Variants in NTN4 observed in about 807,000 individuals in gnomAD.
The protein encoded by NTN4 is netrin 4, also known as netrin-4.
In NTN4, 32 loss-of-function variants were observed where a neutral mutation model predicts 73.6. The observed-to-expected ratio is 0.44, with a 90% CI of 0.33 to 0.58. The LOEUF is 0.58. Among genes scored for constraint, NTN4 ranks in the 20% least tolerant of loss-of-function variants. The pLI is 0.04. For synonymous variants in NTN4, 258 were observed against 287.5 expected (o/e 0.90, Z 1.04); for missense variants, 654 against 798.3 (o/e 0.82, Z 2.18).
chr12:95,788,121 G>A (rs890218222), intron 1 of NTN4, among the ~76,000 whole-genome samples: 5 of 152,156 alleles, frequency 3.3e-5, no homozygotes, highest in African/African-American at 1.2e-4. Flanking sequence ...GAGTTCAGAT[G>A]TGCACTATCA....
chr12:95,682,075 T>TTTTTTTTTTTTTG (rs2078321140), intron 7 of NTN4, among the ~76,000 whole-genome samples: 1 of 141,194 alleles, frequency 7.1e-6, no homozygotes, highest in African/African-American at 2.7e-5. Flanking sequence ...TTTTTTTTTT[T>TTTTTTTTTTTTTG]TTTTTGAGAC....
chr12:95,787,587 T>C, intron 1 of NTN4, 119 bp from the exon 2 acceptor site: 1 of 884,860 alleles, frequency 1.1e-6, no homozygotes, highest in Non-Finnish European at 1.7e-6. Context: ...TTTCGATAAA[T>C]GGCAAATTCT....
Position 95,790,379 on chromosome 12 carries a change from A to G in NTN4, c.-70T>C. 1 of 1,313,562 alleles carries G rather than the reference A, an allele frequency of 7.6e-7. No individual in the cohort carries two copies. Among genetic ancestry groups the G allele is most frequent in the South Asian group, 1.5e-5 (1 of 68,770 alleles). The allele number at this position is 1,313,562 out of a possible 1,614,324, so 81.4% of individuals were successfully genotyped here. A position where few individuals can be genotyped will look rare whatever the true frequency, so the allele number is the denominator to read the frequency against. On this transcript the variant is annotated 5_prime_UTR_variant, in exon 1 of 10. Coordinates refer to ENST00000343702, the MANE Select transcript of NTN4 (RefSeq NM_021229.4). This position sits in a 1 kb window ranked among gnomAD's most constrained non-coding sequence, Gnocchi z 6.5. ...GGAGCCGAGACCTCTGGGCTGCGGG[A>G]TGAAGCGCCGCCGTCCTCGGGAGGG...
intron 2 of NTN4, among the ~76,000 whole-genome samples, chr12:95,750,308 ACT>A (rs939957222): frequency 1.5e-3 from 223 of 149,692 alleles, no homozygotes; most frequent in African/African-American, 4.6e-3. Context: ...CTGTTTCTCT[ACT>A]CTCTCTTTTC....
intron 3 of NTN4, among the ~76,000 whole-genome samples, chr12:95,722,067 CTTTTT>C (rs200453216): frequency 8.0e-6 from 1 of 124,456 alleles, no homozygotes; most frequent in Non-Finnish European, 1.7e-5. Flanking sequence ...TTCAGTAGAT[CTTTTT>C]TTTTTTTTTT....
chr12:95,722,665 A>C (rs1282973239), intron 3 of NTN4, among the ~76,000 whole-genome samples: 2 of 151,892 alleles, frequency 1.3e-5, no homozygotes, highest in Non-Finnish European at 2.9e-5. Context: ...CAAGTGAAAG[A>C]AGGTTTTAAA....
At chr12:95,750,313 C>T (rs1296099930) in intron 2 of NTN4, among the ~76,000 whole-genome samples, 1 of 152,080 alleles carries the variant, frequency 6.6e-6, no homozygotes, top group Non-Finnish European at 1.5e-5. Context: ...TCTCTACTCT[C>T]TCTTTTCTCT....
rs779791050 is a variant in NTN4, at chr12:95,738,102, G to C, written c.628C>G (p.Pro210Ala). ...TGCTCCTGAACTTTGGCACTGTAAG[G>C]GTTCTCTGTATCGTATGGTGGTGAC... ...ALSPPYDTEN[P>A]YSAKVQEQLK... Residue 210 changes from proline to alanine, a missense_variant, in exon 3 of 10, where the codon CCT becomes GCT. Transcript: ENST00000343702. 1.2e-5 allele frequency: 20 copies of C among 1,613,950 alleles called. No individual in the cohort carries two copies. The highest frequency in any genetic ancestry group is 4.5e-5 in the East Asian group (2 of 44,902).
At chr12:95,689,321 T>C (rs1458449509) in intron 5 of NTN4, among the ~76,000 whole-genome samples, 5 of 152,366 alleles carry the variant, frequency 3.3e-5, no homozygotes, top group African/African-American at 7.2e-5. Context: ...AGGTCCTTCA[T>C]AGCAGAGGCC....
Position 95,735,936 on chromosome 12 carries a change from TA to T in NTN4, c.864+1929del, listed in dbSNP as rs1222785919. The stretch of plus-strand genomic sequence containing the variant: ...TTATTTATTTATTTATTTATTTATT[TA>T]TTTATTTATTTATTTTTTTGAGACA... On this transcript the variant is annotated intron_variant, in intron 3 of 9. Coordinates refer to ENST00000343702, the MANE Select transcript of NTN4 (RefSeq NM_021229.4). Among the ~76,000 whole-genome samples the T allele has an allele frequency of 1.1e-3, 170 of 149,068 alleles. 1 individual carries two copies. The highest frequency in any genetic ancestry group is 3.9e-3 in the African/African-American group (159 of 40,508).
At chr12:95,688,892 G>T (rs2078382318) in intron 5 of NTN4, among the ~76,000 whole-genome samples, 1 of 150,786 alleles carries the variant, frequency 6.6e-6, no homozygotes, top group Non-Finnish European at 1.5e-5. Context: ...CATCAATCAG[G>T]AGGTCATTGG....
chr12:95,731,433 G>C (rs1464845946), intron 3 of NTN4, among the ~76,000 whole-genome samples: 1 of 152,128 alleles, frequency 6.6e-6, no homozygotes, highest in African/African-American at 2.4e-5. Flanking sequence ...GGGTGTGGTA[G>C]TGGGCAACTG....
At chr12:95,734,069 CA>C (rs34550049) in intron 3 of NTN4, among the ~76,000 whole-genome samples, 22,547 of 93,952 alleles carry the variant, frequency 0.24, 1,376 homozygotes, top group Non-Finnish European at 0.33. Context: ...GACTCCATTT[CA>C]AAAAAAAAAA....
intron 3 of NTN4, among the ~76,000 whole-genome samples, chr12:95,719,881 T>C (rs2078634052): frequency 1.3e-5 from 2 of 152,112 alleles, no homozygotes; most frequent in South Asian, 2.1e-4. Flanking sequence ...TGCCCAATAA[T>C]ATAAGTAGTA....
Position 95,738,037 on chromosome 12 carries a change from T to C in NTN4, c.693A>G (p.Arg231=). Residue 231 remains arginine (R), a synonymous_variant, in exon 3 of 10, where the codon CGA becomes CGG. Transcript: ENST00000343702. ...CATTTCTCTGACAGGGACAAGACTG[T>C]CGTTTCAGCAGCTGCACGCGAAGGT... ...ITNLRVQLLK[R]QSCPCQRNDL... is the part of the protein sequence containing the mutation. 1 of 1,614,170 alleles carries C rather than the reference T, an allele frequency of 6.2e-7. No individual in the cohort carries two copies. Among genetic ancestry groups the C allele is most frequent in the Non-Finnish European group, 8.5e-7 (1 of 1,180,008 alleles).
At position 95,710,440 on chromosome 12, in the gene NTN4, C is replaced by T. The variant is rs1290216668; in HGVS notation, c.1180+1G>A. ...TTTTCTGGAAACCACAGGTTACTTACGTTTGCAAGCATCTGGAGCTGAGAA... is the reference window on the plus strand; with the variant it reads ...TTTTCTGGAAACCACAGGTTACTTATGTTTGCAAGCATCTGGAGCTGAGAA... On this transcript the variant is annotated splice_donor_variant, in intron 5 of 9. Transcript: ENST00000343702. LOFTEE classifies it high-confidence loss of function. The T allele has an allele frequency of 5.0e-6, 8 of 1,610,426 alleles. No individual in the cohort carries two copies. Among genetic ancestry groups the T allele is most frequent in the African/African-American group, 4.0e-5 (3 of 74,830 alleles).
Position 95,712,487 on chromosome 12 carries a change from G to A in NTN4, c.991+725C>T, listed in dbSNP as rs113613925. Reference sequence around the variant, plus strand: ...ATCTCTATAATGGGATTAACACCACGTGCTTTATTGGGTAGTTTTGAGAAC... The same window carrying A: ...ATCTCTATAATGGGATTAACACCACATGCTTTATTGGGTAGTTTTGAGAAC... On this transcript the variant is annotated intron_variant, in intron 4 of 9. Coordinates refer to ENST00000343702, the MANE Select transcript of NTN4 (RefSeq NM_021229.4). Among the ~76,000 whole-genome samples the A allele has an allele frequency of 3.2e-3, 488 of 152,250 alleles. 1 individual carries two copies. Among genetic ancestry groups the A allele is most frequent in the Non-Finnish European group, 6.1e-3 (417 of 68,022 alleles).
chr12:95,721,037 G>A (rs980756996), intron 3 of NTN4, among the ~76,000 whole-genome samples: 7 of 152,208 alleles, frequency 4.6e-5, no homozygotes, highest in Admixed American at 1.3e-4. Flanking sequence ...AAGCCAATAA[G>A]TGGTAAAGCT....
At chr12:95,704,654 A>G (rs1025212335) in intron 5 of NTN4, among the ~76,000 whole-genome samples, 1 of 152,184 alleles carries the variant, frequency 6.6e-6, no homozygotes, top group Admixed American at 6.6e-5. Flanking sequence ...AGGTAGAGAG[A>G]ACTGGATGTG....
Sources: allele counts gnomAD v4.1 joint callset (sites outside exome capture counted in the v4.1 genomes callset), GRCh38; gene constraint gnomAD v4.1.1; non-coding constraint Gnocchi (gnomAD v3.1); transcripts MANE v1.5; gene names NCBI Gene and HGNC (gene_info 2026-07-23, HGNC 2026-07-21).